The following AP4E1 variants were observed in gnomAD, a reference collection of about 807,000 sequenced individuals.
AP4E1 encodes adaptor related protein complex 4 subunit epsilon 1.
Under a neutral mutation model 128.2 loss-of-function variants are expected in AP4E1, and 56 were observed. That is an observed-to-expected ratio of 0.44 (90% CI 0.35 to 0.55). The LOEUF (loss-of-function observed/expected upper bound fraction) is 0.55, where lower values mean the gene tolerates loss of function less well. Among genes scored for constraint, AP4E1 ranks in the 20% least tolerant of loss-of-function variants. The pLI is 0.00. For synonymous variants in AP4E1, 484 were observed against 473.1 expected (o/e 1.02, Z -0.30); for missense variants, 1,324 against 1,307.7 (o/e 1.01, Z -0.19).
At chr15:50,963,389 A>G (rs1259446121) in intron 14 of AP4E1, among the ~76,000 whole-genome samples, 1 of 152,212 alleles carries the variant, frequency 6.6e-6, no homozygotes, top group East Asian at 1.9e-4. Flanking sequence ...TGTGGTATGT[A>G]TACACAATGG....
At chr15:50,977,201 A>C (rs140805281) in intron 15 of AP4E1, among the ~76,000 whole-genome samples, 1 of 152,284 alleles carries the variant, frequency 6.6e-6, no homozygotes, top group East Asian at 1.9e-4. Flanking sequence ...CCGTTGTCAT[A>C]CTTCCTTATT....
intron 10 of AP4E1, among the ~76,000 whole-genome samples, chr15:50,943,777 C>G (rs552745491): frequency 6.6e-6 from 1 of 152,212 alleles, no homozygotes; most frequent in East Asian, 1.9e-4. Flanking sequence ...ACCAAGATGG[C>G]TACTTTATGA....
intron 15 of AP4E1, among the ~76,000 whole-genome samples, chr15:50,982,568 A>G (rs2064658482): frequency 6.6e-6 from 1 of 152,226 alleles, no homozygotes; most frequent in African/African-American, 2.4e-5. Flanking sequence ...TCAGATCAGC[A>G]TTTGGAAACT....
At chr15:50,948,222 T>G in intron 11 of AP4E1, 63 bp downstream of exon 11, 5 of 1,589,512 alleles carry the variant, frequency 3.1e-6, no homozygotes, top group Non-Finnish European at 3.4e-6. Context: ...TTAAGATGAT[T>G]GGTATAGATA....
At chr15:50,909,218 A>G (rs2063534380) in intron 1 of AP4E1, among the ~76,000 whole-genome samples, 1 of 152,244 alleles carries the variant, frequency 6.6e-6, no homozygotes, top group Non-Finnish European at 1.5e-5. Flanking sequence ...TGTGGTGGAA[A>G]AGTACTGATA....
intron 2 of AP4E1, 29 bp downstream of exon 2, chr15:50,912,178 T>G: frequency 6.4e-7 from 1 of 1,558,492 alleles, no homozygotes; most frequent in Non-Finnish European, 8.7e-7. Flanking sequence ...TGCCAACACA[T>G]TTGAATTTGA....
chr15:50,971,712 C>T (rs78869745), intron 15 of AP4E1, among the ~76,000 whole-genome samples: 6,960 of 151,844 alleles, frequency 0.046, 517 homozygotes, highest in African/African-American at 0.16. Context: ...ATTATTTCTT[C>T]TGCTTTCTAA....
At chr15:50,968,606 T>C (rs1329074786) in intron 15 of AP4E1, among the ~76,000 whole-genome samples, 1 of 152,128 alleles carries the variant, frequency 6.6e-6, no homozygotes, top group Non-Finnish European at 1.5e-5. Flanking sequence ...ACCTAAGATA[T>C]GGTAGTCATA....
chr15:50,957,906 A>G (rs902488280), intron 13 of AP4E1, among the ~76,000 whole-genome samples: 1 of 151,970 alleles, frequency 6.6e-6, no homozygotes, highest in African/African-American at 2.4e-5. Context: ...CAAACTCCTC[A>G]GGTGATCCAC....
chr15:50,945,780 T>A, intron 10 of AP4E1: 1 of 760,970 alleles, frequency 1.3e-6, no homozygotes, highest in South Asian at 1.4e-5. Context: ...CTAAGGATTA[T>A]AACTAGAAAT....
Position 50,948,041 on chromosome 15 carries a change from A to G in AP4E1, c.1198A>G (p.Ile400Val). 6.2e-7 allele frequency: 1 copy of G among 1,607,096 alleles called. No individual in the cohort carries two copies. Among genetic ancestry groups the G allele is most frequent in the Non-Finnish European group, 8.5e-7 (1 of 1,174,050 alleles). ...KRETLELLYR[I>V]TNAQNITVIV... ...ATAGACTCTGGAACTTCTTTACAGA[A>G]TTACTAATGCACAGAATATAACAGT... Residue 400 changes from isoleucine to valine, a missense_variant, in exon 11 of 21, where the codon ATT (isoleucine) becomes GTT (valine). Transcript: ENST00000261842.
intron 14 of AP4E1, among the ~76,000 whole-genome samples, chr15:50,962,498 G>T (rs2064329141): frequency 6.6e-6 from 1 of 151,912 alleles, no homozygotes; most frequent in African/African-American, 2.4e-5. Context: ...AATATATATT[G>T]GGGAAATGAC....
chr15:50,987,673 T>G (rs2064747440), intron 16 of AP4E1, among the ~76,000 whole-genome samples: 1 of 152,220 alleles, frequency 6.6e-6, no homozygotes, highest in Non-Finnish European at 1.5e-5. Flanking sequence ...AGAGACAGTT[T>G]GTTATAATTT....
intron 16 of AP4E1, among the ~76,000 whole-genome samples, chr15:50,985,837 A>G (rs1460847793): frequency 1.3e-5 from 2 of 152,116 alleles, no homozygotes; most frequent in Admixed American, 1.3e-4. Flanking sequence ...GTTTTTTCCA[A>G]TTCTGTGAAG....
Position 51,002,724 on chromosome 15 carries a change from C to A in AP4E1, c.*62C>A. The A allele has an allele frequency of 6.3e-7, 1 of 1,591,814 alleles. No homozygotes were observed. Among genetic ancestry groups the A allele is most frequent in the Non-Finnish European group, 8.6e-7 (1 of 1,163,346 alleles). ...TGGTTTACATAGATAAACTTATTTACCAAAGTAAAAAGAACTCATGGTACT... is the reference window on the plus strand; with the variant it reads ...TGGTTTACATAGATAAACTTATTTAACAAAGTAAAAAGAACTCATGGTACT... On this transcript the variant is annotated 3_prime_UTR_variant, in exon 21 of 21. Coordinates refer to ENST00000261842, the MANE Select transcript of AP4E1 (RefSeq NM_007347.5).
At chr15:50,990,629 G>T (rs1469711846) in intron 16 of AP4E1, among the ~76,000 whole-genome samples, 1 of 151,982 alleles carries the variant, frequency 6.6e-6, no homozygotes, top group Non-Finnish European at 1.5e-5. Context: ...CAAGTGATCC[G>T]CCTGCCTCAG....
rs528402524 is a variant in AP4E1 at position 50,970,171 on chromosome 15, T to C, written c.1966+1794T>C. Among the ~76,000 whole-genome samples the C allele has an allele frequency of 3.3e-4, 51 of 152,352 alleles. 1 individual carries two copies. The South Asian group carries it at 0.01, about 31-fold the overall frequency. On this transcript the variant is annotated intron_variant, in intron 15 of 20. Transcript: ENST00000261842. ...AGATCAGTTTTCTTTAGCTTCCACA[T>C]ATGAGAGAGAACATGTGGTGTTTAA... is the stretch of plus-strand genomic sequence containing the variant.
chr15:50,930,904 G>A lies in AP4E1; in HGVS notation c.802G>A (p.Val268Met), dbSNP rs752024232. The stretch of plus-strand genomic sequence containing the variant: ...CCCAGTAGAATTCAATTACCACAGT[G>A]TGCCAGCACCATGGTTACAAATTCA... ...KLPVEFNYHSVPAPWLQIQLL... is the reference protein window; with the variant it reads ...KLPVEFNYHSMPAPWLQIQLL... Residue 268 changes from valine to methionine, a missense_variant, in exon 7 of 21, where the codon GTG becomes ATG. Physicochemically the swap from Val to Met is conservative, Grantham distance 21 (BLOSUM62 1). Coordinates refer to ENST00000261842, the MANE Select transcript of AP4E1 (RefSeq NM_007347.5). 5 of 1,614,116 alleles carry A rather than the reference G, an allele frequency of 3.1e-6. No individual in the cohort carries two copies. The South Asian group carries it at 5.5e-5, about 18-fold the overall frequency.
chr15:50,908,016 G>A (rs1282399457), upstream of AP4E1, among the ~76,000 whole-genome samples: 3 of 152,224 alleles, frequency 2.0e-5, no homozygotes, highest in Non-Finnish European at 2.9e-5. Context: ...CAGGGGAGTG[G>A]GCTCTAGAAG....
Sources: allele counts gnomAD v4.1 joint callset (sites outside exome capture counted in the v4.1 genomes callset), GRCh38; gene constraint gnomAD v4.1.1; transcripts MANE v1.5; gene names NCBI Gene and HGNC (gene_info 2026-07-23, HGNC 2026-07-21).